The following KCNJ6 variants were observed in gnomAD, a reference collection of about 807,000 sequenced individuals.
The protein encoded by KCNJ6 is G protein-activated inward rectifier potassium channel 2.
KCNJ6 carries 9 observed loss-of-function variants against 34.2 expected under a neutral mutation model. That is an observed-to-expected ratio of 0.26 (90% CI 0.16 to 0.46). KCNJ6 has a LOEUF of 0.46. Ranked by LOEUF, KCNJ6 falls within the 20% of genes least tolerant of loss-of-function variation. The pLI is 1.00. For synonymous variants in KCNJ6, 196 were observed against 207.1 expected (o/e 0.95, Z 0.46); for missense variants, 236 against 531.3 (o/e 0.44, Z 5.46).
intron 2 of KCNJ6, among the ~76,000 whole-genome samples, chr21:37,752,507 AAGC>A (rs2055001323): frequency 1.3e-5 from 2 of 152,136 alleles, no homozygotes; most frequent in South Asian, 2.1e-4. Flanking sequence ...GGAAGGCATT[AAGC>A]AGAAGCTTTT....
intron 2 of KCNJ6, among the ~76,000 whole-genome samples, chr21:37,809,763 T>G (rs999416710): frequency 6.6e-6 from 1 of 152,190 alleles, no homozygotes. Flanking sequence ...ATGAGCATGG[T>G]ATGTGTGCTG....
chr21:37,645,644 A>G (rs983331532), intron 3 of KCNJ6, among the ~76,000 whole-genome samples: 3 of 152,188 alleles, frequency 2.0e-5, no homozygotes, highest in African/African-American at 7.2e-5. Context: ...TTTGTCCCAG[A>G]GGTTCTAAGC....
intron 2 of KCNJ6, among the ~76,000 whole-genome samples, chr21:37,819,917 T>C (rs2055365949): frequency 6.6e-6 from 1 of 151,690 alleles, no homozygotes; most frequent in Non-Finnish European, 1.5e-5. Flanking sequence ...CCTGAGTAGA[T>C]GGGATTACAG....
chr21:37,823,235 C>T (rs1023488226), intron 2 of KCNJ6, among the ~76,000 whole-genome samples: 1 of 152,126 alleles, frequency 6.6e-6, no homozygotes, highest in African/African-American at 2.4e-5. Flanking sequence ...CCTGAGGCTC[C>T]AGAAAAATGC....
In KCNJ6 at chr21:37,686,241, C is replaced by T. The variant is rs191404636; in HGVS notation, c.946+27970G>A. Reference sequence around the variant, plus strand: ...AAGGATTTGCTGTGGGGTACTCATACGTGCTCTCTTGATACCCGGTTGAGG... The same window carrying T: ...AAGGATTTGCTGTGGGGTACTCATATGTGCTCTCTTGATACCCGGTTGAGG... On this transcript the variant is annotated intron_variant, in intron 3 of 3. Transcript: ENST00000609713. 4.3e-3 allele frequency among the ~76,000 whole-genome samples: 647 copies of T among 152,218 alleles called. 11 individuals carry two copies. Among genetic ancestry groups the T allele is most frequent in the Admixed American group, 0.034 (526 of 15,290 alleles).
intron 3 of KCNJ6, among the ~76,000 whole-genome samples, chr21:37,694,199 C>G (rs1412548166): frequency 6.6e-6 from 1 of 152,180 alleles, no homozygotes; most frequent in East Asian, 1.9e-4. Context: ...TTCCTGAAGG[C>G]ACTTTCTGCT....
At chr21:37,911,533 C>G (rs538772907) in intron 1 of KCNJ6, among the ~76,000 whole-genome samples, 56 of 152,286 alleles carry the variant, frequency 3.7e-4, no homozygotes, top group Non-Finnish European at 6.3e-4. Flanking sequence ...CTTAATTCCA[C>G]CAAACTTAAA....
chr21:37,912,781 G>T (rs1372021082), intron 1 of KCNJ6, among the ~76,000 whole-genome samples: 5 of 152,238 alleles, frequency 3.3e-5, no homozygotes, highest in Non-Finnish European at 7.3e-5. Context: ...AAGACTGGAA[G>T]GTAGAAACAC....
intron 2 of KCNJ6, among the ~76,000 whole-genome samples, chr21:37,796,237 T>G (rs1363843341): frequency 6.6e-6 from 1 of 152,216 alleles, no homozygotes; most frequent in Non-Finnish European, 1.5e-5. Flanking sequence ...GAAGTCACTG[T>G]TCTCAGCTGG....
chr21:37,845,080 C>T (rs116736829), intron 1 of KCNJ6, among the ~76,000 whole-genome samples: 79 of 152,264 alleles, frequency 5.2e-4, no homozygotes, highest in African/African-American at 1.8e-3. Context: ...GTCCCCCATC[C>T]CTTACTCCCG....
intron 2 of KCNJ6, among the ~76,000 whole-genome samples, chr21:37,826,937 C>T (rs1398613815): frequency 6.6e-6 from 1 of 151,972 alleles, no homozygotes; most frequent in African/African-American, 2.4e-5. Context: ...GTTAAGAATG[C>T]GTGGTGGAAG....
intron 2 of KCNJ6, among the ~76,000 whole-genome samples, chr21:37,775,447 T>A (rs1454395750): frequency 1.3e-5 from 2 of 152,208 alleles, no homozygotes; most frequent in Non-Finnish European, 2.9e-5. Context: ...CTGAATGGTA[T>A]TGCCTAGGTT....
At chr21:37,732,075 C>A (rs530373602) in intron 2 of KCNJ6, among the ~76,000 whole-genome samples, 1 of 152,160 alleles carries the variant, frequency 6.6e-6, no homozygotes, top group Admixed American at 6.5e-5. Context: ...AAGCATGACA[C>A]CTAGTTTTCC....
At chr21:37,639,072 T>C (rs575945351) in intron 3 of KCNJ6, among the ~76,000 whole-genome samples, 3 of 152,374 alleles carry the variant, frequency 2.0e-5, no homozygotes, top group Admixed American at 1.3e-4. Flanking sequence ...CAGTAGGTGA[T>C]GGACCAATCA....
At chr21:37,794,393 A>C (rs539559487) in intron 2 of KCNJ6, among the ~76,000 whole-genome samples, 124 of 152,358 alleles carry the variant, frequency 8.1e-4, no homozygotes, top group African/African-American at 2.8e-3. Context: ...TAAAATGGGC[A>C]TAATAAAAAT....
At chr21:37,858,392 CAA>C (rs60814205) in intron 1 of KCNJ6, among the ~76,000 whole-genome samples, 484 of 54,492 alleles carry the variant, frequency 8.9e-3, no homozygotes, top group African/African-American at 0.018. Flanking sequence ...GACTCCGTCT[CAA>C]AAAAAAAAAA....
intron 3 of KCNJ6, among the ~76,000 whole-genome samples, chr21:37,688,231 A>C (rs1465026146): frequency 1.3e-5 from 2 of 152,124 alleles, no homozygotes; most frequent in Non-Finnish European, 2.9e-5. Flanking sequence ...AATTCAACCT[A>C]AAAAAGAAGC....
intron 2 of KCNJ6, among the ~76,000 whole-genome samples, chr21:37,792,482 G>A (rs2055221515): frequency 2.0e-5 from 3 of 152,158 alleles, no homozygotes; most frequent in Admixed American, 2.0e-4. Flanking sequence ...CAGCAACAAA[G>A]CAAAACTTTA....
intron 2 of KCNJ6, among the ~76,000 whole-genome samples, chr21:37,816,673 G>A (rs576951451): frequency 3.3e-5 from 5 of 152,142 alleles, no homozygotes; most frequent in East Asian, 1.9e-4. Flanking sequence ...ACCTGCTTAC[G>A]GTGGATTTCT....
Sources: gnomAD v4.1 joint callset for allele counts (sites outside exome capture counted in the v4.1 genomes callset) on GRCh38, gnomAD v4.1.1 for gene constraint, MANE v1.5 for transcripts, NCBI Gene and HGNC (gene_info 2026-07-23, HGNC 2026-07-21) for gene names.